The following CYP2C19 variants were observed in gnomAD, a reference collection of about 807,000 sequenced individuals.
CYP2C19 encodes the protein cytochrome P450 family 2 subfamily C member 19, also known as cytochrome P450 2C19.
In CYP2C19, 59 loss-of-function variants were observed where a neutral mutation model predicts 40.9. The ratio of observed to expected loss-of-function variants is 1.44; its 90% CI spans 1.17 to 1.79. The LOEUF is 1.79. Ranked by LOEUF, CYP2C19 falls within the 40% of genes most tolerant of loss-of-function variation. The pLI is 0.00. For missense variants in CYP2C19, 754 were observed against 596.9 expected, an observed-to-expected ratio of 1.26 and a Z score of -2.74; for synonymous variants, 253 against 208.7, an observed-to-expected ratio of 1.21 and a Z score of -1.83.
At chr10:94,827,521 T>C (rs1849248541) in intron 6 of CYP2C19, among the ~76,000 whole-genome samples, 1 of 152,114 alleles carries the variant, frequency 6.6e-6, no homozygotes, top group Non-Finnish European at 1.5e-5. Context: ...CCCTTTATCG[T>C]TTTTTATTGC....
chr10:94,817,948 G>A (rs1398183998), intron 5 of CYP2C19, among the ~76,000 whole-genome samples: 1 of 146,882 alleles, frequency 6.8e-6, no homozygotes, highest in Non-Finnish European at 1.5e-5. Flanking sequence ...GGGAGGCGGA[G>A]CTTGCAGTGA....
intron 5 of CYP2C19, among the ~76,000 whole-genome samples, chr10:94,813,956 C>G (rs1017209625): frequency 2.7e-5 from 4 of 150,418 alleles, no homozygotes; most frequent in Admixed American, 2.0e-4. Flanking sequence ...TTGTGAAGAC[C>G]ATGGAAAAAC....
chr10:94,785,011 A>C (rs1848523365), intron 5 of CYP2C19, among the ~76,000 whole-genome samples: 1 of 152,108 alleles, frequency 6.6e-6, no homozygotes, highest in African/African-American at 2.4e-5. Flanking sequence ...TATTTAAATT[A>C]AGTTGCCTTT....
chr10:94,812,700 C>G (rs1589363747), intron 5 of CYP2C19, among the ~76,000 whole-genome samples: 2 of 151,870 alleles, frequency 1.3e-5, no homozygotes, highest in South Asian at 4.2e-4. Flanking sequence ...TCACAAAGTT[C>G]TCATTCTGTG....
At chr10:94,795,910 A>G (rs1359689579) in intron 5 of CYP2C19, among the ~76,000 whole-genome samples, 3 of 152,036 alleles carry the variant, frequency 2.0e-5, no homozygotes, top group Non-Finnish European at 2.9e-5. Flanking sequence ...CCTTTGTCAG[A>G]TGAGTAGATT....
rs750758323 is a variant in CYP2C19 at position 94,820,506 on chromosome 10, A to T, written c.830A>T (p.Asn277Ile). Residue 277 changes from asparagine to isoleucine, a missense_variant, in exon 6 of 9, where the codon AAC (asparagine) becomes ATC (isoleucine). Physicochemically the swap from Asn to Ile is moderately radical, Grantham distance 149. Transcript: ENST00000371321. ...FLIKMEKEKQ[N>I]QQSEFTIENL... ...TCAAATCATTCCTAGGAAAAGCAAAACCAACAGTCTGAATTCACTATTGAA... is the reference window on the plus strand; with the variant it reads ...TCAAATCATTCCTAGGAAAAGCAAATCCAACAGTCTGAATTCACTATTGAA... 12 of 1,614,044 alleles carry T rather than the reference A, an allele frequency of 7.4e-6. No homozygotes were observed. The highest frequency in any genetic ancestry group is 1.0e-5 in the Non-Finnish European group (12 of 1,180,022).
rs192399354 is a variant in CYP2C19, at chr10:94,767,161, T to C, written c.168+4288T>C. ...GAATTTCGGATTCTCAACAAGGTCATGGACAAAAGAGTAAAGAGTAGGCCA... is the reference window on the plus strand; with the variant it reads ...GAATTTCGGATTCTCAACAAGGTCACGGACAAAAGAGTAAAGAGTAGGCCA... On this transcript the variant is annotated intron_variant, in intron 1 of 8. Transcript: ENST00000371321. Among the ~76,000 whole-genome samples the C allele has an allele frequency of 1.6e-3, 237 of 152,278 alleles. 1 individual carries two copies. The highest frequency in any genetic ancestry group is 2.7e-3 in the Non-Finnish European group (187 of 68,012).
intron 5 of CYP2C19, among the ~76,000 whole-genome samples, chr10:94,803,602 T>G (rs924182087): frequency 2.1e-4 from 32 of 152,162 alleles, no homozygotes; most frequent in African/African-American, 7.7e-4. Context: ...TGACAGGCAC[T>G]AGCACCAGCA....
rs112484939 is a variant in CYP2C19, at chr10:94,835,440, A to G, written c.962-7397A>G. Among the ~76,000 whole-genome samples the G allele has an allele frequency of 3.5e-3, 536 of 152,176 alleles. 2 individuals are homozygous for G. The highest frequency in any genetic ancestry group is 0.012 in the African/African-American group (511 of 41,514). On this transcript the variant is annotated intron_variant, in intron 6 of 8. Coordinates refer to ENST00000371321, the MANE Select transcript of CYP2C19 (RefSeq NM_000769.4). ...ATGTCTTCATGAGGTTACCCATTCTATTTCTCCTGCTGAGTATTGGGGCTT... is the reference window on the plus strand; with the variant it reads ...ATGTCTTCATGAGGTTACCCATTCTGTTTCTCCTGCTGAGTATTGGGGCTT...
intron 8 of CYP2C19, among the ~76,000 whole-genome samples, chr10:94,852,112 G>C (rs1002376950): frequency 6.6e-6 from 1 of 152,182 alleles, no homozygotes; most frequent in Non-Finnish European, 1.5e-5. Context: ...AGAGTTGAGA[G>C]TAGGGGAGGT....
intron 5 of CYP2C19, among the ~76,000 whole-genome samples, chr10:94,797,419 T>G (rs890751858): frequency 2.6e-5 from 4 of 152,074 alleles, no homozygotes; most frequent in Non-Finnish European, 5.9e-5. Context: ...GATTTTTGCA[T>G]CGATGTTCTT....
intron 6 of CYP2C19, among the ~76,000 whole-genome samples, chr10:94,829,045 A>G (rs189017638): frequency 6.6e-6 from 1 of 152,314 alleles, no homozygotes; most frequent in African/African-American, 2.4e-5. Context: ...TGTTAGTCAG[A>G]TGGGCTTCCC....
At position 94,854,293 on chromosome 10, in the gene CYP2C19, A is replaced by G. The variant is rs894636611; in HGVS notation, c.*1379A>G. ...CTCAGCCTCCCAAACTGCTGGGCTT[A>G]CAGGCGTGAGCCACTGCACCTGGCT... On this transcript the variant is annotated 3_prime_UTR_variant, in exon 9 of 9. Coordinates refer to ENST00000371321, the MANE Select transcript of CYP2C19 (RefSeq NM_000769.4). Among the ~76,000 whole-genome samples the G allele has an allele frequency of 2.0e-5, 3 of 152,190 alleles. No individual in the cohort carries two copies. The highest frequency in any genetic ancestry group is 4.4e-5 in the Non-Finnish European group (3 of 68,036).
intron 5 of CYP2C19, among the ~76,000 whole-genome samples, chr10:94,818,322 G>T (rs918967005): frequency 1.3e-5 from 2 of 150,652 alleles, no homozygotes; most frequent in African/African-American, 2.4e-5. Context: ...GTCAGGTAGT[G>T]TGATGCCTCC....
chr10:94,849,586 T>C (rs1475365389), intron 7 of CYP2C19, among the ~76,000 whole-genome samples: 2 of 150,572 alleles, frequency 1.3e-5, no homozygotes, highest in Non-Finnish European at 3.0e-5. Flanking sequence ...ACCCATTAAC[T>C]CATCATTTAG....
At chr10:94,795,576 C>T (rs1848672531) in intron 5 of CYP2C19, among the ~76,000 whole-genome samples, 1 of 152,092 alleles carries the variant, frequency 6.6e-6, no homozygotes. Context: ...GAGGAATTGC[C>T]ACAGTGACTT....
At chr10:94,781,728 A>G (rs947604018) in intron 4 of CYP2C19, 93 bp from the exon 5 acceptor site, 6 of 519,668 alleles carry the variant, frequency 1.2e-5, no homozygotes, top group African/African-American at 2.0e-5. Context: ...TTTTATTTAT[A>G]TTTATAGTTT....
chr10:94,828,904 A>G (rs1055567004), intron 6 of CYP2C19, among the ~76,000 whole-genome samples: 3 of 151,852 alleles, frequency 2.0e-5, no homozygotes, highest in Admixed American at 6.6e-5. Flanking sequence ...AAAGGATTTT[A>G]TTTCTCCTTC....
chr10:94,831,358 T>G (rs578199186), intron 6 of CYP2C19, among the ~76,000 whole-genome samples: 14 of 152,250 alleles, frequency 9.2e-5, no homozygotes, highest in Non-Finnish European at 1.6e-4. Flanking sequence ...AGATGTCTCT[T>G]TGATATAGTT....
Sources: gnomAD v4.1 joint callset for allele counts (sites outside exome capture counted in the v4.1 genomes callset) on GRCh38, gnomAD v4.1.1 for gene constraint, MANE v1.5 for transcripts, NCBI Gene and HGNC (gene_info 2026-07-23, HGNC 2026-07-21) for gene names.